The following RFC2 variants were observed in gnomAD, a reference collection of about 807,000 sequenced individuals.
RFC2 encodes replication factor C subunit 2, also known as A1 40 kDa subunit.
In RFC2, 34 loss-of-function variants were observed where a neutral mutation model predicts 44.8. The ratio of observed to expected loss-of-function variants is 0.76; its 90% CI spans 0.58 to 1.01. The LOEUF is 1.01. Ranked by LOEUF, RFC2 falls within the 50% of genes least tolerant of loss-of-function variation. The pLI is 0.00. For missense variants in RFC2, 400 were observed against 453.6 expected, an observed-to-expected ratio of 0.88 and a Z score of 1.07; for synonymous variants, 177 against 168.9, an observed-to-expected ratio of 1.05 and a Z score of -0.37.
At chr7:74,249,667 A>C in intron 3 of RFC2, 72 bp downstream of exon 3, 1 of 1,275,344 alleles carries the variant, frequency 7.8e-7, no homozygotes, top group Non-Finnish European at 1.1e-6. Context: ...AGCGCTGTGC[A>C]CAAGAAAGCA....
intron 5 of RFC2, among the ~76,000 whole-genome samples, chr7:74,244,773 G>A (rs1554719730): frequency 2.0e-5 from 3 of 151,656 alleles, no homozygotes; most frequent in Non-Finnish European, 1.5e-5. Flanking sequence ...TTTGAGACCA[G>A]CCTGGGTAAC....
At chr7:74,240,212 G>T in intron 6 of RFC2, 117 bp from the exon 7 acceptor site, 1 of 882,444 alleles carries the variant, frequency 1.1e-6, no homozygotes, top group Non-Finnish European at 1.7e-6. Flanking sequence ...ACTCAATAGA[G>T]ACTTGGTAGG....
rs1374848629 is a variant in RFC2, at chr7:74,239,051, A to G, written c.694-63T>C. ...TATTTATTTCTTTTTGAGTAGAGACAGGAGTCTCGCTATGTTGCCCAGGCT... is the reference window on the plus strand; with the variant it reads ...TATTTATTTCTTTTTGAGTAGAGACGGGAGTCTCGCTATGTTGCCCAGGCT... On this transcript the variant is annotated intron_variant, in intron 7 of 10. Coordinates refer to ENST00000055077, the MANE Select transcript of RFC2 (RefSeq NM_181471.3). 1.5e-5 allele frequency: 20 copies of G among 1,353,318 alleles called. No homozygotes were observed. The Admixed American group carries it at 2.6e-4, about 17-fold the overall frequency. The allele number at this position is 1,353,318 out of a possible 1,614,324, so 83.8% of individuals were successfully genotyped here.
chr7:74,248,873 C>A, intron 4 of RFC2, 139 bp downstream of exon 4: 1 of 649,192 alleles, frequency 1.5e-6, no homozygotes, highest in South Asian at 1.8e-5. Context: ...GTGAGCAACG[C>A]TCTTTCACTG....
At position 74,254,369 on chromosome 7, in the gene RFC2, G is replaced by A. The variant is rs150851734; in HGVS notation, c.15C>T (p.Ala5=). Residue 5 remains alanine, a synonymous_variant, in exon 1 of 11, where the codon GCC becomes GCT. Transcript: ENST00000055077. Reference sequence around the variant, plus strand: ...CCACCTCGCCCGCGCCACCACAGACGGCCTCCACCTCCATTCTCGCGCCTC... The same window carrying A: ...CCACCTCGCCCGCGCCACCACAGACAGCCTCCACCTCCATTCTCGCGCCTC... MEVE[A]VCGGAGEVEA... is the part of the protein sequence containing the mutation. 4.7e-5 allele frequency: 76 copies of A among 1,604,544 alleles called. 1 individual carries two copies. Among genetic ancestry groups the A allele is most frequent in the Admixed American group, 3.5e-4 (21 of 59,482 alleles).
In RFC2 at chr7:74,238,905, C is replaced by G. The variant is rs1554718772; in HGVS notation, c.759+18G>C. ...GCACGGCTTCTGCTGACAGTACCAC[C>G]CACACTAGCGCTTGTACCTTGAACA... On this transcript the variant is annotated intron_variant, in intron 8 of 10. Coordinates refer to ENST00000055077, the MANE Select transcript of RFC2 (RefSeq NM_181471.3). The surrounding 1 kb of genome is among the most constrained non-coding windows in gnomAD (Gnocchi z 4.0). 2 of 1,606,570 alleles carry G rather than the reference C, an allele frequency of 1.2e-6. No homozygotes were observed. The highest frequency in any genetic ancestry group is 1.7e-6 in the Non-Finnish European group (2 of 1,173,150).
chr7:74,252,594 T>C, intron 1 of RFC2, 96 bp from the exon 2 acceptor site: 1 of 773,884 alleles, frequency 1.3e-6, no homozygotes, highest in Non-Finnish European at 2.3e-6. Context: ...GTTAAAAAAT[T>C]ACATACATTC....
chr7:74,248,367 T>G (rs1554720448), intron 4 of RFC2, among the ~76,000 whole-genome samples: 1 of 151,670 alleles, frequency 6.6e-6, no homozygotes, highest in Non-Finnish European at 1.5e-5. Context: ...TGGTGGCATG[T>G]GTCTATAGTC....
At chr7:74,235,073 G>A (rs1276102426) in intron 10 of RFC2, among the ~76,000 whole-genome samples, 2 of 152,062 alleles carry the variant, frequency 1.3e-5, no homozygotes, top group Non-Finnish European at 2.9e-5. Context: ...GTCTCGCTCT[G>A]CTGCCCAGGC....
chr7:74,240,080 C>A lies in RFC2; in HGVS notation c.551G>T (p.Arg184Leu), dbSNP rs1554719038. The A allele has an allele frequency of 6.2e-7, 1 of 1,613,846 alleles. No homozygotes were observed. The highest frequency in any genetic ancestry group is 8.5e-7 in the Non-Finnish European group (1 of 1,179,862). ...SDKIIEPIQS[R>L]CAVLRYTKLT... ...CTTTGTGTACCGGAGGACTGCACAG[C>A]GGGACTGAATGGGCTCTGAACAGAG... Residue 184 changes from arginine to leucine, a missense_variant, in exon 7 of 11, where the codon CGC becomes CTC. Coordinates refer to ENST00000055077, the MANE Select transcript of RFC2 (RefSeq NM_181471.3).
chr7:74,251,318 C>T (rs1036354142), intron 2 of RFC2, among the ~76,000 whole-genome samples: 3 of 151,984 alleles, frequency 2.0e-5, no homozygotes, highest in African/African-American at 7.2e-5. Flanking sequence ...CCAGTTTGAA[C>T]CTCAGACTCT....
chr7:74,253,009 T>C (rs1485018157), intron 1 of RFC2, among the ~76,000 whole-genome samples: 1 of 152,186 alleles, frequency 6.6e-6, no homozygotes, highest in Non-Finnish European at 1.5e-5. Context: ...GCATGAGAAT[T>C]GTACAGCATA....
At chr7:74,250,303 T>C (rs1314443658) in intron 2 of RFC2, among the ~76,000 whole-genome samples, 2 of 152,144 alleles carry the variant, frequency 1.3e-5, no homozygotes, top group East Asian at 1.9e-4. Context: ...GTTCTTTTTA[T>C]TCTTTTAGAG....
At chr7:74,248,872 G>T in intron 4 of RFC2, 140 bp downstream of exon 4, 1 of 642,584 alleles carries the variant, frequency 1.6e-6, no homozygotes, top group Non-Finnish European at 2.8e-6. Context: ...AGTGAGCAAC[G>T]CTCTTTCACT....
chr7:74,245,879 G>A (rs1488619790), intron 5 of RFC2, among the ~76,000 whole-genome samples: 1 of 151,724 alleles, frequency 6.6e-6, no homozygotes, highest in Admixed American at 6.6e-5. Flanking sequence ...TGGCCAACAT[G>A]GCGAAACCCC....
Position 74,245,832 on chromosome 7 carries a change from G to A in RFC2, c.434+830C>T, listed in dbSNP as rs376606381. On this transcript the variant is annotated intron_variant, in intron 5 of 10. Coordinates refer to ENST00000055077, the MANE Select transcript of RFC2 (RefSeq NM_181471.3). ...TCCCAGCATTTTGGGAGGCCGAGGCGGGTAGATCACCTGAAGTCAGGAGTT... is the reference window on the plus strand; with the variant it reads ...TCCCAGCATTTTGGGAGGCCGAGGCAGGTAGATCACCTGAAGTCAGGAGTT... Among the ~76,000 whole-genome samples, 67 of 152,096 alleles carry A rather than the reference G, an allele frequency of 4.4e-4. 2 individuals carry two copies. The East Asian group carries it at 0.013, about 29-fold the overall frequency.
At position 74,248,702 on chromosome 7, in the gene RFC2, A is replaced by G. The variant is rs373364151; in HGVS notation, c.332+310T>C. ...TTTTTAGTGGAGACGGGGTTTCACC[A>G]TGTTGGCTAGGATGGTCTCGAATTC... On this transcript the variant is annotated intron_variant, in intron 4 of 10. Coordinates refer to ENST00000055077, the MANE Select transcript of RFC2 (RefSeq NM_181471.3). 1.1e-4 allele frequency among the ~76,000 whole-genome samples: 16 copies of G among 152,072 alleles called. No homozygotes were observed. In the East Asian group the frequency reaches 1.7e-3, roughly 17 times the overall value.
intron 10 of RFC2, among the ~76,000 whole-genome samples, chr7:74,234,738 C>T (rs922379843): frequency 2.0e-5 from 3 of 151,992 alleles, no homozygotes; most frequent in Non-Finnish European, 2.9e-5. Context: ...GAGCCTGGCA[C>T]CTCCCTCCGT....
At chr7:74,251,084 G>A (rs1786912009) in intron 2 of RFC2, among the ~76,000 whole-genome samples, 1 of 152,026 alleles carries the variant, frequency 6.6e-6, no homozygotes, top group African/African-American at 2.4e-5. Context: ...ACCACACCCG[G>A]CCCTATTAAA....
Sources: gnomAD v4.1 joint callset for allele counts (sites outside exome capture counted in the v4.1 genomes callset) on GRCh38, gnomAD v4.1.1 for gene constraint, Gnocchi (gnomAD v3.1) non-coding constraint, MANE v1.5 for transcripts, NCBI Gene and HGNC (gene_info 2026-07-23, HGNC 2026-07-21) for gene names.